SEMA3E: variants seen among roughly 807,000 people sequenced by gnomAD.
The protein encoded by SEMA3E is semaphorin-3E.
SEMA3E carries 49 observed loss-of-function variants against 93.6 expected under a neutral mutation model. The observed-to-expected ratio is 0.52, with a 90% CI of 0.42 to 0.66. The LOEUF is 0.66. SEMA3E is among the 30% of genes least tolerant of loss of function. SEMA3E has a pLI of 0.00. For synonymous variants in SEMA3E, 363 were observed against 330.7 expected, an observed-to-expected ratio of 1.10 and a Z score of -1.06; for missense variants, 906 against 964.8, an observed-to-expected ratio of 0.94 and a Z score of 0.81.
chr7:83,635,436 T>C (rs1793862753), intron 1 of SEMA3E, among the ~76,000 whole-genome samples: 2 of 151,822 alleles, frequency 1.3e-5, no homozygotes, highest in Admixed American at 1.3e-4. Context: ...TATTTTTATT[T>C]ACTCTTTATA....
At chr7:83,582,379 G>A (rs1363378256) in intron 1 of SEMA3E, among the ~76,000 whole-genome samples, 1 of 151,646 alleles carries the variant, frequency 6.6e-6, no homozygotes, top group East Asian at 1.9e-4. Context: ...ATAAACAATG[G>A]AATTTGAAAC....
At chr7:83,615,656 G>A (rs1793349960) in intron 1 of SEMA3E, among the ~76,000 whole-genome samples, 1 of 152,056 alleles carries the variant, frequency 6.6e-6, no homozygotes, top group African/African-American at 2.4e-5. Context: ...TTTTACTACA[G>A]TTGGAAGGGA....
intron 1 of SEMA3E, among the ~76,000 whole-genome samples, chr7:83,597,721 T>C (rs1235608432): frequency 1.3e-5 from 2 of 152,194 alleles, no homozygotes; most frequent in African/African-American, 2.4e-5. Flanking sequence ...ATTGCTATGG[T>C]AAACTAATAT....
intron 1 of SEMA3E, among the ~76,000 whole-genome samples, chr7:83,621,358 A>C (rs1464284372): frequency 6.6e-6 from 1 of 152,226 alleles, no homozygotes; most frequent in African/African-American, 2.4e-5. Flanking sequence ...ACACAACCAA[A>C]TGGAAAAACA....
chr7:83,476,996 AAATT>A (rs1386991609), intron 2 of SEMA3E, among the ~76,000 whole-genome samples: 5 of 152,194 alleles, frequency 3.3e-5, no homozygotes, highest in Non-Finnish European at 7.3e-5. Context: ...AATAAAGTAT[AAATT>A]AAATTACAAG....
chr7:83,492,327 G>C (rs899151106), intron 1 of SEMA3E, among the ~76,000 whole-genome samples: 1 of 151,976 alleles, frequency 6.6e-6, no homozygotes, highest in Admixed American at 6.6e-5. Flanking sequence ...GACCTTGCCT[G>C]CTACCCAGTG....
At chr7:83,427,234 TTC>T (rs368227383) in intron 4 of SEMA3E, among the ~76,000 whole-genome samples, 6 of 152,108 alleles carry the variant, frequency 3.9e-5, no homozygotes, top group African/African-American at 1.2e-4. Flanking sequence ...TTTCCTTCCT[TTC>T]TCTTTCTTTT....
At chr7:83,603,107 T>A (rs1449564831) in intron 1 of SEMA3E, among the ~76,000 whole-genome samples, 1 of 152,140 alleles carries the variant, frequency 6.6e-6, no homozygotes, top group Non-Finnish European at 1.5e-5. Flanking sequence ...TCGATAAGAC[T>A]CCAACCCAAT....
At chr7:83,385,554 C>T (rs138246930) in intron 15 of SEMA3E, 121 bp from the exon 16 acceptor site, 1 of 1,081,016 alleles carries the variant, frequency 9.3e-7, no homozygotes, top group African/African-American at 1.6e-5. Context: ...CTTATTTCTG[C>T]AAAAGGTAAT....
intron 1 of SEMA3E, among the ~76,000 whole-genome samples, chr7:83,618,757 T>C (rs1793480770): frequency 6.6e-6 from 1 of 151,976 alleles, no homozygotes; most frequent in Non-Finnish European, 1.5e-5. Flanking sequence ...ATTCATATGC[T>C]GCTGCCCAAA....
chr7:83,538,987 CAT>C (rs752868982), intron 1 of SEMA3E, among the ~76,000 whole-genome samples: 1 of 152,110 alleles, frequency 6.6e-6, no homozygotes, highest in Non-Finnish European at 1.5e-5. Context: ...TTGTAAGACT[CAT>C]AGCTGTCTGC....
intron 1 of SEMA3E, among the ~76,000 whole-genome samples, chr7:83,539,849 TTG>T (rs1584318258): frequency 3.5e-5 from 2 of 56,804 alleles, no homozygotes; most frequent in East Asian, 1.1e-3. Flanking sequence ...TTTTGTTTTG[TTG>T]TTTCTGTGTG....
intron 1 of SEMA3E, among the ~76,000 whole-genome samples, chr7:83,634,754 A>G (rs1793849115): frequency 6.6e-6 from 1 of 152,032 alleles, no homozygotes; most frequent in Non-Finnish European, 1.5e-5. Flanking sequence ...AATAAAATCA[A>G]TATTTTGGGT....
chr7:83,645,687 C>T (rs1794069461), intron 1 of SEMA3E, among the ~76,000 whole-genome samples: 1 of 150,824 alleles, frequency 6.6e-6, no homozygotes. Context: ...GAAAATATTC[C>T]ACACCTCTTA....
At chr7:83,456,055 T>G (rs1265335994) in intron 4 of SEMA3E, among the ~76,000 whole-genome samples, 1 of 152,228 alleles carries the variant, frequency 6.6e-6, no homozygotes, top group African/African-American at 2.4e-5. Context: ...ATCAGCTACA[T>G]TTTTGGTAAT....
At chr7:83,585,527 G>T (rs527978877) in intron 1 of SEMA3E, among the ~76,000 whole-genome samples, 1 of 152,214 alleles carries the variant, frequency 6.6e-6, no homozygotes, top group East Asian at 1.9e-4. Context: ...AATATTACAT[G>T]AAGAATTTAT....
chr7:83,527,944 T>TA (rs1056073866), intron 1 of SEMA3E, among the ~76,000 whole-genome samples: 3 of 152,224 alleles, frequency 2.0e-5, no homozygotes, highest in African/African-American at 7.2e-5. Flanking sequence ...AGAAAAAGAA[T>TA]AAGTTAGTTA....
At chr7:83,511,820 C>T (rs1019095882) in intron 1 of SEMA3E, among the ~76,000 whole-genome samples, 5 of 151,974 alleles carry the variant, frequency 3.3e-5, no homozygotes, top group Non-Finnish European at 5.9e-5. Flanking sequence ...GCTTGAACTC[C>T]GCGAGGCAGA....
At chr7:83,532,419 GAA>G (rs1253141599) in intron 1 of SEMA3E, among the ~76,000 whole-genome samples, 1 of 152,184 alleles carries the variant, frequency 6.6e-6, no homozygotes, top group Non-Finnish European at 1.5e-5. Flanking sequence ...CTTTTAGAGA[GAA>G]GCACTTAGTA....
Sources: allele counts gnomAD v4.1 joint callset (sites outside exome capture counted in the v4.1 genomes callset), GRCh38; gene constraint gnomAD v4.1.1; transcripts MANE v1.5; gene names NCBI Gene and HGNC (gene_info 2026-07-23, HGNC 2026-07-21).